Variants in MCTP2 observed in about 807,000 individuals in gnomAD.
The protein encoded by MCTP2 is multiple C2 and transmembrane domain containing 2.
MCTP2 carries 132 observed loss-of-function variants against 111.6 expected under a neutral mutation model. The ratio of observed to expected loss-of-function variants is 1.18; its 90% confidence interval spans 1.03 to 1.37. MCTP2 has a LOEUF of 1.37. Among genes scored for constraint, MCTP2 ranks in the 40% most tolerant of loss-of-function variants. The probability of loss-of-function intolerance (pLI) is 0.00; values close to 1 mark genes in which losing one functional copy is unlikely to be tolerated. For missense variants in MCTP2, 1,183 were observed against 1,067.9 expected, an observed-to-expected ratio of 1.11 and a Z score of -1.50; for synonymous variants, 395 against 387.7, an observed-to-expected ratio of 1.02 and a Z score of -0.22.
intron 1 of MCTP2, among the ~76,000 whole-genome samples, chr15:94,283,574 C>T (rs374968992): frequency 6.6e-6 from 1 of 152,124 alleles, no homozygotes; most frequent in Non-Finnish European, 1.5e-5. Flanking sequence ...CACCCCTTTC[C>T]TAGGAGCTGT....
At chr15:94,238,737 A>G (rs2070733671) in intron 1 of MCTP2, among the ~76,000 whole-genome samples, 1 of 152,204 alleles carries the variant, frequency 6.6e-6, no homozygotes, top group Non-Finnish European at 1.5e-5. Context: ...GGCCACATCC[A>G]AAGTGCCACC....
chr15:94,355,878 G>T (rs2078592958), intron 8 of MCTP2: 1 of 1,031,146 alleles, frequency 9.7e-7, no homozygotes, highest in Non-Finnish European at 1.2e-6. Flanking sequence ...AGCGCATCTG[G>T]GTGGGAGTAC....
chr15:94,347,938 G>C (rs1215725372), intron 8 of MCTP2, among the ~76,000 whole-genome samples: 1 of 151,120 alleles, frequency 6.6e-6, no homozygotes, highest in African/African-American at 2.4e-5. Context: ...CACACCCCCT[G>C]CTATTATTTG....
At chr15:94,371,783 G>A (rs1344964516) in intron 12 of MCTP2, among the ~76,000 whole-genome samples, 5 of 152,182 alleles carry the variant, frequency 3.3e-5, no homozygotes, top group Admixed American at 3.3e-4. Context: ...CCGCCTACTG[G>A]CTTCAAGCAA....
chr15:94,264,507 G>T (rs1013360286), intron 1 of MCTP2, among the ~76,000 whole-genome samples: 2 of 152,038 alleles, frequency 1.3e-5, no homozygotes, highest in East Asian at 3.9e-4. Flanking sequence ...TACTCGGGAG[G>T]CTGAGGCAGG....
chr15:94,262,304 G>A (rs1011818333), intron 1 of MCTP2, among the ~76,000 whole-genome samples: 10 of 152,152 alleles, frequency 6.6e-5, no homozygotes, highest in African/African-American at 2.4e-4. Context: ...GAAGATTGTA[G>A]TTTTAATTTC....
intron 1 of MCTP2, among the ~76,000 whole-genome samples, chr15:94,240,634 A>T (rs2070879072): frequency 6.6e-6 from 1 of 152,194 alleles, no homozygotes; most frequent in African/African-American, 2.4e-5. Context: ...TGTGAAGATA[A>T]ACGCAGCATG....
chr15:94,361,640 A>G (rs915052580), intron 10 of MCTP2, among the ~76,000 whole-genome samples: 2 of 152,222 alleles, frequency 1.3e-5, no homozygotes, highest in African/African-American at 4.8e-5. Context: ...CAACTTGGCA[A>G]CTCAAATTAT....
intron 12 of MCTP2, among the ~76,000 whole-genome samples, chr15:94,373,730 C>T (rs1205307848): frequency 3.3e-5 from 5 of 152,158 alleles, no homozygotes; most frequent in South Asian, 2.1e-4. Context: ...CAACGTTAGA[C>T]GTGGATAGCC....
At chr15:94,465,552 C>G (rs997330721) in intron 20 of MCTP2, among the ~76,000 whole-genome samples, 3 of 152,170 alleles carry the variant, frequency 2.0e-5, no homozygotes, top group Admixed American at 1.3e-4. Context: ...GAAAGCCAAA[C>G]TGCAGATAAG....
At chr15:94,460,671 A>T (rs2085136786) in intron 20 of MCTP2, among the ~76,000 whole-genome samples, 1 of 152,202 alleles carries the variant, frequency 6.6e-6, no homozygotes, top group Non-Finnish European at 1.5e-5. Context: ...GGGCAGAGTG[A>T]TTTAAACAGG....
At chr15:94,426,745 A>AG (rs1290405996) in intron 17 of MCTP2, among the ~76,000 whole-genome samples, 1 of 152,038 alleles carries the variant, frequency 6.6e-6, no homozygotes, top group Non-Finnish European at 1.5e-5. Context: ...AACATTTTAA[A>AG]GGGGGCATGG....
At chr15:94,279,418 A>G (rs1288850996) in intron 1 of MCTP2, among the ~76,000 whole-genome samples, 1 of 151,894 alleles carries the variant, frequency 6.6e-6, no homozygotes, top group East Asian at 1.9e-4. Flanking sequence ...CACTCAACTT[A>G]TACATTACTG....
At chr15:94,392,099 C>A (rs925646505) in intron 14 of MCTP2, among the ~76,000 whole-genome samples, 2 of 151,992 alleles carry the variant, frequency 1.3e-5, no homozygotes, top group African/African-American at 4.8e-5. Flanking sequence ...AGGCCAGGCG[C>A]GGTGGCTCAT....
At chr15:94,349,423 C>T (rs1036062625) in intron 8 of MCTP2, among the ~76,000 whole-genome samples, 1 of 152,122 alleles carries the variant, frequency 6.6e-6, no homozygotes, top group African/African-American at 2.4e-5. Context: ...TAGACTCAGT[C>T]ATCAGAATTG....
chr15:94,247,586 G>GAAA (rs2072106123), intron 1 of MCTP2, among the ~76,000 whole-genome samples: 1 of 151,946 alleles, frequency 6.6e-6, no homozygotes, highest in Non-Finnish European at 1.5e-5. Flanking sequence ...AAATGATTGG[G>GAAA]AAAAACCAGA....
At chr15:94,371,510 T>A (rs12324022) in intron 12 of MCTP2, among the ~76,000 whole-genome samples, 20,396 of 152,214 alleles carry the variant, frequency 0.13, 1,547 homozygotes, top group Middle Eastern at 0.19. Flanking sequence ...TCGAATGCAC[T>A]GTTGTTTTTC....
intron 19 of MCTP2, among the ~76,000 whole-genome samples, chr15:94,447,373 TTG>T (rs148584250): frequency 2.0e-5 from 3 of 151,254 alleles, no homozygotes; most frequent in African/African-American, 4.8e-5. Context: ...TATAATTCAT[TTG>T]TGTGTGTGTG....
intron 17 of MCTP2, among the ~76,000 whole-genome samples, chr15:94,407,139 C>T (rs944626776): frequency 6.6e-6 from 1 of 151,990 alleles, no homozygotes; most frequent in African/African-American, 2.4e-5. Flanking sequence ...TTATGACATA[C>T]TTATATTTTA....
Sources: allele counts gnomAD v4.1 joint callset (sites outside exome capture counted in the v4.1 genomes callset), GRCh38; gene constraint gnomAD v4.1.1; transcripts MANE v1.5; gene names NCBI Gene and HGNC (gene_info 2026-07-23, HGNC 2026-07-21).